Variants in TENM3 observed in about 807,000 individuals in gnomAD.
TENM3 encodes teneurin-3.
TENM3 carries 63 observed loss-of-function variants against 255.1 expected under a neutral mutation model. The observed-to-expected ratio is 0.25, with a 90% CI of 0.20 to 0.30. The LOEUF (loss-of-function observed/expected upper bound fraction) is 0.30, where lower values mean the gene tolerates loss of function less well. TENM3 is among the 10% of genes least tolerant of loss of function. TENM3 has a pLI of 1.00. For missense variants in TENM3, 2,929 were observed against 3,461.1 expected, an observed-to-expected ratio of 0.85 and a Z score of 3.86; for synonymous variants, 1,306 against 1,322.3, an observed-to-expected ratio of 0.99 and a Z score of 0.27.
the TENM3 span, among the ~76,000 whole-genome samples, chr4:181,786,464 G>A: frequency 6.6e-6 from 1 of 152,134 alleles, no homozygotes; most frequent in Non-Finnish European, 1.5e-5. Context: ...CGAGGTGGGA[G>A]GTGGACACTA....
intron 22 of TENM3, among the ~76,000 whole-genome samples, chr4:182,755,546 GA>G (rs962038920): frequency 6.7e-6 from 1 of 149,926 alleles, no homozygotes; most frequent in South Asian, 2.1e-4. Context: ...TATCTCTAAA[GA>G]AAAAAAAATG....
the TENM3 span, chr4:181,834,820 C>G: frequency 2.0e-5 from 3 of 152,184 alleles, no homozygotes; most frequent in African/African-American, 4.8e-5. Flanking sequence ...AATAGGAGCT[C>G]TAAAGAAAAG....
chr4:182,410,693 T>C (rs1561418364), intron 3 of TENM3, among the ~76,000 whole-genome samples: 1 of 151,892 alleles, frequency 6.6e-6, no homozygotes, highest in South Asian at 2.1e-4. Context: ...AAGACAAAGA[T>C]GAGAAATCGT....
At chr4:182,642,404 G>C (rs551232548) in intron 5 of TENM3, among the ~76,000 whole-genome samples, 3 of 152,282 alleles carry the variant, frequency 2.0e-5, no homozygotes, top group Admixed American at 6.5e-5. Context: ...GCATCCATAG[G>C]TGTCTTACTC....
the TENM3 span, among the ~76,000 whole-genome samples, chr4:181,631,517 C>G: frequency 6.6e-6 from 1 of 152,088 alleles, no homozygotes; most frequent in Non-Finnish European, 1.5e-5. Context: ...GTCTTGAACT[C>G]CTGACCTCAT....
At chr4:181,474,975 G>C in the TENM3 span, among the ~76,000 whole-genome samples, 390 of 152,152 alleles carry the variant, frequency 2.6e-3, 2 homozygotes, top group African/African-American at 9.2e-3. Flanking sequence ...TTTAATAACT[G>C]TGCAATAAAT....
chr4:182,228,091 A>G (rs764010356), intron 1 of TENM3, among the ~76,000 whole-genome samples: 1 of 152,082 alleles, frequency 6.6e-6, no homozygotes, highest in Non-Finnish European at 1.5e-5. Context: ...GGAGGAGGAA[A>G]TGGAGAGATG....
intron 1 of TENM3, among the ~76,000 whole-genome samples, chr4:182,174,183 C>G (rs551087976): frequency 1.3e-5 from 2 of 151,992 alleles, no homozygotes; most frequent in African/African-American, 4.8e-5. Flanking sequence ...TTCTCTTTAT[C>G]CATTAACTAA....
chr4:182,780,607 C>T (rs1256442600), intron 24 of TENM3, among the ~76,000 whole-genome samples: 1 of 132,954 alleles, frequency 7.5e-6, no homozygotes, highest in Non-Finnish European at 1.6e-5. Flanking sequence ...GCATTGGTAG[C>T]TTGATGGGGA....
rs539991063 is a variant in TENM3 at position 182,261,968 on chromosome 4, G to A, written c.-76+18492G>A. On this transcript the variant is annotated intron_variant, in intron 1 of 27. Coordinates refer to ENST00000511685, the MANE Select transcript of TENM3 (RefSeq NM_001080477.4). ...TTTTGAGGATCCCCAAATTGCTGTC[G>A]TCACTTAATCCTTTTTCTGAATAAA... 1.1e-4 allele frequency among the ~76,000 whole-genome samples: 17 copies of A among 152,214 alleles called. No individual in the cohort carries two copies. In the South Asian group the frequency reaches 2.5e-3, roughly 22 times the overall value.
chr4:182,094,940 G>GT, the TENM3 span, among the ~76,000 whole-genome samples: 2 of 88,312 alleles, frequency 2.3e-5, no homozygotes, highest in East Asian at 5.9e-4. Flanking sequence ...GAAATAGAAG[G>GT]TAAAAAAAAA....
chr4:181,675,948 A>T, the TENM3 span, among the ~76,000 whole-genome samples: 1 of 152,148 alleles, frequency 6.6e-6, no homozygotes, highest in Non-Finnish European at 1.5e-5. Flanking sequence ...ACCTTAGAAA[A>T]GAGTACATAG....
At chr4:182,492,213 T>A (rs1171001187) in intron 3 of TENM3, among the ~76,000 whole-genome samples, 1 of 152,190 alleles carries the variant, frequency 6.6e-6, no homozygotes, top group East Asian at 1.9e-4. Context: ...GTTAGAATTA[T>A]GACAGCATAT....
At chr4:181,865,549 G>T in the TENM3 span, among the ~76,000 whole-genome samples, 1 of 152,188 alleles carries the variant, frequency 6.6e-6, no homozygotes, top group East Asian at 1.9e-4. Context: ...ACCGTCACCC[G>T]CATGCCTACA....
chr4:182,074,717 G>GA, the TENM3 span, among the ~76,000 whole-genome samples: 157 of 152,104 alleles, frequency 1.0e-3, 2 homozygotes, highest in African/African-American at 3.5e-3. Flanking sequence ...AATGAGGGAG[G>GA]AAAGAGAGAA....
chr4:182,639,914 A>AC (rs59464051), intron 5 of TENM3, among the ~76,000 whole-genome samples: 3,232 of 151,934 alleles, frequency 0.021, 122 homozygotes, highest in African/African-American at 0.074. Flanking sequence ...ACATGGTGAA[A>AC]CCCCGTCTCT....
the TENM3 span, among the ~76,000 whole-genome samples, chr4:181,752,135 C>A: frequency 1.8e-3 from 268 of 152,334 alleles, no homozygotes; most frequent in Non-Finnish European, 2.4e-3. Flanking sequence ...GATATTCTCA[C>A]TCTCAGGCTG....
At chr4:182,063,001 A>C in the TENM3 span, among the ~76,000 whole-genome samples, 3 of 152,248 alleles carry the variant, frequency 2.0e-5, no homozygotes, top group African/African-American at 7.2e-5. Flanking sequence ...GTGCTTTTGT[A>C]CTTAAAGAAG....
At chr4:182,689,990 G>A (rs1297633226) in intron 12 of TENM3, among the ~76,000 whole-genome samples, 1 of 152,096 alleles carries the variant, frequency 6.6e-6, no homozygotes, top group Non-Finnish European at 1.5e-5. Context: ...GATTTTTATT[G>A]GGGCTTCTCC....
Sources: allele counts gnomAD v4.1 joint callset (sites outside exome capture counted in the v4.1 genomes callset), GRCh38; gene constraint gnomAD v4.1.1; transcripts MANE v1.5; gene names NCBI Gene and HGNC (gene_info 2026-07-23, HGNC 2026-07-21).